PDZRN4: variants seen among roughly 807,000 people sequenced by gnomAD.
PDZRN4 encodes the protein PDZ domain containing ring finger 4.
Under a neutral mutation model 99.0 loss-of-function variants are expected in PDZRN4, and 70 were observed. The ratio of observed to expected loss-of-function variants is 0.71; its 90% CI spans 0.58 to 0.86. The LOEUF (loss-of-function observed/expected upper bound fraction) is 0.86, where lower values mean the gene tolerates loss of function less well. Among genes scored for constraint, PDZRN4 ranks in the 40% least tolerant of loss-of-function variants. The pLI, the probability that PDZRN4 is intolerant of heterozygous loss-of-function variation, is 0.00. For missense variants in PDZRN4, 1,474 were observed against 1,331.2 expected (o/e 1.11, Z -1.67); for synonymous variants, 551 against 501.6 (o/e 1.10, Z -1.32).
At chr12:41,254,067 GTGTT>G (rs1951188616) in intron 3 of PDZRN4, among the ~76,000 whole-genome samples, 4 of 151,628 alleles carry the variant, frequency 2.6e-5, no homozygotes, top group South Asian at 2.1e-4. Context: ...TTGCGTGTGT[GTGTT>G]TATTACCTTT....
At chr12:41,564,168 T>G (rs1006330296) in intron 8 of PDZRN4, among the ~76,000 whole-genome samples, 1 of 152,212 alleles carries the variant, frequency 6.6e-6, no homozygotes, top group African/African-American at 2.4e-5. Context: ...TCAACTTAAA[T>G]CTTTTTAAAA....
intron 3 of PDZRN4, among the ~76,000 whole-genome samples, chr12:41,352,026 A>G (rs1305811400): frequency 7.7e-6 from 1 of 129,320 alleles, no homozygotes; most frequent in Non-Finnish European, 1.8e-5. Context: ...AGGAATAAAA[A>G]TGAGAAAGTA....
chr12:41,318,921 T>G (rs1381806388), intron 3 of PDZRN4, among the ~76,000 whole-genome samples: 1 of 152,136 alleles, frequency 6.6e-6, no homozygotes, highest in African/African-American at 2.4e-5. Flanking sequence ...GTCACAAGGA[T>G]TAGAAGGAAA....
chr12:41,279,470 A>G (rs1951369872), intron 3 of PDZRN4, among the ~76,000 whole-genome samples: 1 of 152,198 alleles, frequency 6.6e-6, no homozygotes, highest in Non-Finnish European at 1.5e-5. Flanking sequence ...TGGTCGTGGT[A>G]TTTAAAGATG....
In PDZRN4 at chr12:41,289,524, C is replaced by T. The variant is rs375270151; in HGVS notation, c.843+95336C>T. Among the ~76,000 whole-genome samples, 7 of 152,184 alleles carry T rather than the reference C, an allele frequency of 4.6e-5. No individual in the cohort carries two copies. In the East Asian group the frequency reaches 5.8e-4, roughly 13 times the overall value. On this transcript the variant is annotated intron_variant, in intron 3 of 9. Transcript: ENST00000402685. ...GCAGGGACTATTAGCAGCAGCACAA[C>T]AGCTGAGCTGCATGAAGATGGTCAA...
intron 3 of PDZRN4, among the ~76,000 whole-genome samples, chr12:41,377,248 A>G (rs929512380): frequency 1.3e-5 from 2 of 151,860 alleles, no homozygotes; most frequent in Non-Finnish European, 2.9e-5. Context: ...TTTTTTTTCC[A>G]TTTCTGTGAA....
intron 3 of PDZRN4, among the ~76,000 whole-genome samples, chr12:41,250,457 A>G (rs1369369672): frequency 6.6e-6 from 1 of 152,232 alleles, no homozygotes. Context: ...AATATAAACT[A>G]TATTTCTCAA....
chr12:41,434,018 A>AACC (rs1952606942), intron 3 of PDZRN4, among the ~76,000 whole-genome samples: 1 of 152,214 alleles, frequency 6.6e-6, no homozygotes, highest in Non-Finnish European at 1.5e-5. Context: ...CCTAAAGAGT[A>AACC]ACCACCATCC....
At chr12:41,235,686 T>C (rs903381707) in intron 3 of PDZRN4, among the ~76,000 whole-genome samples, 2 of 152,184 alleles carry the variant, frequency 1.3e-5, no homozygotes, top group African/African-American at 4.8e-5. Context: ...GTTTGAAAAT[T>C]TTAAAAACCC....
Position 41,188,396 on chromosome 12 carries a change from C to A in PDZRN4, c.-60C>A. 7.0e-7 allele frequency: 1 copy of A among 1,431,686 alleles called. No homozygotes were observed. The highest frequency in any genetic ancestry group is 1.4e-5 in the South Asian group (1 of 70,458). The allele number at this position is 1,431,686 out of a possible 1,614,324, so 88.7% of individuals were successfully genotyped here. A position where few individuals can be genotyped will look rare whatever the true frequency, so the allele number is the denominator to read the frequency against. ...TGCCCCGGGGGTGGCCCGGGGAAGG[C>A]AGGGGGGCTCGGAGAAGACGGACTC... On this transcript the variant is annotated 5_prime_UTR_variant, in exon 1 of 10. Coordinates refer to ENST00000402685, the MANE Select transcript of PDZRN4 (RefSeq NM_001164595.2).
At chr12:41,263,620 G>A (rs902639076) in intron 3 of PDZRN4, among the ~76,000 whole-genome samples, 1 of 152,188 alleles carries the variant, frequency 6.6e-6, no homozygotes, top group Non-Finnish European at 1.5e-5. Flanking sequence ...CTGGGAGGCG[G>A]AGGTTGCAGT....
At chr12:41,294,504 T>G (rs1329253764) in intron 3 of PDZRN4, among the ~76,000 whole-genome samples, 1 of 152,184 alleles carries the variant, frequency 6.6e-6, no homozygotes, top group Non-Finnish European at 1.5e-5. Context: ...TTATGAAGAC[T>G]CTTAAATGAG....
chr12:41,536,327 C>T (rs1938747875), intron 5 of PDZRN4, among the ~76,000 whole-genome samples: 1 of 152,020 alleles, frequency 6.6e-6, no homozygotes, highest in Non-Finnish European at 1.5e-5. Flanking sequence ...GTGAAAGAAG[C>T]CAGTCTAAAA....
chr12:41,411,070 T>A (rs1415658550), intron 3 of PDZRN4, among the ~76,000 whole-genome samples: 116 of 100,080 alleles, frequency 1.2e-3, no homozygotes, highest in African/African-American at 3.7e-3. Flanking sequence ...TATATATATT[T>A]TTTTTTTATT....
intron 3 of PDZRN4, among the ~76,000 whole-genome samples, chr12:41,322,300 A>G (rs1951684108): frequency 6.6e-6 from 1 of 151,882 alleles, no homozygotes; most frequent in African/African-American, 2.4e-5. Context: ...TGCTTGGATT[A>G]TAGGCTCGAA....
At chr12:41,425,341 G>A (rs1952526465) in intron 3 of PDZRN4, among the ~76,000 whole-genome samples, 1 of 151,058 alleles carries the variant, frequency 6.6e-6, no homozygotes, top group Admixed American at 6.7e-5. Context: ...TATGGAAGGT[G>A]GAAGTATAGC....
intron 3 of PDZRN4, among the ~76,000 whole-genome samples, chr12:41,336,988 T>C (rs1951780160): frequency 6.6e-6 from 1 of 152,122 alleles, no homozygotes; most frequent in Non-Finnish European, 1.5e-5. Flanking sequence ...AGAGGCTGCA[T>C]GACCCCTAAA....
intron 3 of PDZRN4, among the ~76,000 whole-genome samples, chr12:41,266,727 T>C (rs143966084): frequency 0.02 from 3,010 of 152,334 alleles, 46 homozygotes; most frequent in Non-Finnish European, 0.03. Context: ...GTGAAGGCTG[T>C]GTAAATATCC....
chr12:41,477,921 G>A (rs760851946), intron 3 of PDZRN4: 2 of 1,520,662 alleles, frequency 1.3e-6, no homozygotes, highest in Non-Finnish European at 1.8e-6. Context: ...GCCATCCACT[G>A]TAAGTATGGC....
Sources: allele counts gnomAD v4.1 joint callset (sites outside exome capture counted in the v4.1 genomes callset), GRCh38; gene constraint gnomAD v4.1.1; transcripts MANE v1.5; gene names NCBI Gene and HGNC (gene_info 2026-07-23, HGNC 2026-07-21).